Variants in PDGFA observed in about 807,000 individuals in gnomAD.
The protein encoded by PDGFA is platelet derived growth factor subunit A.
PDGFA carries 9 observed loss-of-function variants against 25.6 expected under a neutral mutation model. The observed-to-expected ratio is 0.35, with a 90% CI of 0.21 to 0.61. PDGFA has a LOEUF of 0.61. Ranked by LOEUF, PDGFA falls within the 20% of genes least tolerant of loss-of-function variation. The probability of loss-of-function intolerance (pLI) is 0.75; values close to 1 mark genes in which losing one functional copy is unlikely to be tolerated. For synonymous variants in PDGFA, 133 were observed against 111.8 expected (o/e 1.19, Z -1.20); for missense variants, 242 against 272.8 (o/e 0.89, Z 0.79).
At chr7:497,973 A>AAAAAAAAAAAAAAAAAAAAAAAAAC (rs1782161752) in exon 6 of PDGFA, 2 of 130,696 alleles carry the variant, frequency 1.5e-5, no homozygotes, top group African/African-American at 2.9e-5. Flanking sequence ...AAAAAAAAAA[A>AAAAAAAAAAAAAAAAAAAAAAAAAC]CAAAACAAAA....
chr7:517,209 G>A lies in PDGFA; in HGVS notation c.160+185C>T, dbSNP rs1282083010. 6.6e-6 allele frequency among the ~76,000 whole-genome samples: 1 copy of A among 151,318 alleles called. No homozygotes were observed. The highest frequency in any genetic ancestry group is 1.5e-5 in the Non-Finnish European group (1 of 67,790). ...GGCGAGCGAGCAGCCCTCGGCCGCC[G>A]CTGGGAGAGAAAGTGGAGACTGGAA... is the stretch of plus-strand genomic sequence containing the variant. On this transcript the variant is annotated intron_variant, in intron 2 of 5. Transcript: ENST00000402802. This position sits in a 1 kb window ranked among gnomAD's most constrained non-coding sequence, Gnocchi z 7.4.
chr7:511,884 G>A (rs148398998), intron 3 of PDGFA, among the ~76,000 whole-genome samples: 2,230 of 152,254 alleles, frequency 0.015, 26 homozygotes, highest in Middle Eastern at 0.027. Context: ...CGGGGCACAC[G>A]GGTGTGGTGA....
chr7:503,001 T>A (rs976293448), intron 4 of PDGFA, among the ~76,000 whole-genome samples: 2 of 152,046 alleles, frequency 1.3e-5, no homozygotes, highest in African/African-American at 2.4e-5. Flanking sequence ...ACGCCTGGCA[T>A]CAACAGACCC....
rs1782269570 is a variant in PDGFA, at chr7:500,309, A to G, written c.580+807T>C. The G allele has an allele frequency of 9.4e-7, 1 of 1,059,974 alleles. No individual in the cohort carries two copies. The highest frequency in any genetic ancestry group is 1.5e-5 in the South Asian group (1 of 68,778). The allele number at this position is 1,059,974 out of a possible 1,614,324, so 65.7% of individuals were successfully genotyped here. ...GACCCAAGCCCAGCAGACACCATCA[A>G]GGCCAATCAGGGCCACATCCCCGCC... On this transcript the variant is annotated intron_variant, in intron 5 of 5. Coordinates refer to ENST00000402802, the Ensembl canonical transcript of PDGFA. This position sits in a 1 kb window ranked among gnomAD's most constrained non-coding sequence, Gnocchi z 5.0.
chr7:508,502 G>A (rs1432755087), intron 4 of PDGFA, among the ~76,000 whole-genome samples: 1 of 127,806 alleles, frequency 7.8e-6, no homozygotes, highest in African/African-American at 3.0e-5. Context: ...CGAGGCTGCA[G>A]CAAACCATGA....
In PDGFA at chr7:504,396, C is replaced by T. The variant is rs1261433621; in HGVS notation, c.454-3154G>A. Among the ~76,000 whole-genome samples the T allele has an allele frequency of 2.0e-5, 3 of 152,178 alleles. No individual in the cohort carries two copies. The South Asian group carries it at 6.2e-4, about 32-fold the overall frequency. On this transcript the variant is annotated intron_variant, in intron 4 of 5. Transcript: ENST00000402802. ...CCAGCCCTGCAAGCATGTCCTCAGC[C>T]CTCCCTGAGTCAAGAACTGCCCAGG... is the stretch of plus-strand genomic sequence containing the variant.
Position 518,915 on chromosome 7 carries a change from ACGGGGCGCGGGGG to A in PDGFA, c.63+11_63+23del, listed in dbSNP as rs1783233974. 6.7e-7 allele frequency: 1 copy of A among 1,492,848 alleles called. No homozygotes were observed. The highest frequency in any genetic ancestry group is 1.4e-5 in the African/African-American group (1 of 69,668). 92.5% of individuals were successfully genotyped at this position (1,492,848 alleles called of 1,614,324 possible). ...GTGCGCCGGAGGAGCCGGCGCAGGG[ACGGGGCGCGGGGG>A]CGGCACCAACCTCGGCCAGAACATG... On this transcript the variant is annotated intron_variant, in intron 1 of 5. Coordinates refer to ENST00000402802, the Ensembl canonical transcript of PDGFA.
intron 2 of PDGFA, among the ~76,000 whole-genome samples, chr7:516,114 G>C (rs964128169): frequency 7.7e-5 from 10 of 129,424 alleles, no homozygotes; most frequent in African/African-American, 3.0e-4. Context: ...CCACAAACCA[G>C]AGCCAGATCC....
chr7:505,964 A>G (rs1178178075), intron 4 of PDGFA, among the ~76,000 whole-genome samples: 3 of 152,188 alleles, frequency 2.0e-5, no homozygotes, highest in Non-Finnish European at 4.4e-5. Context: ...ACCTGAGGTC[A>G]GGAGTTCAAG....
exon 6 of PDGFA, chr7:497,939 T>TAAAAAAAAAAAAAAAAACAAAAAA (rs1782132127): frequency 5.0e-5 from 1 of 20,138 alleles, no homozygotes; most frequent in Non-Finnish European, 8.2e-5. Context: ...CTTTATGGTG[T>TAAAAAAAAAAAAAAAAACAAAAAA]AAAAAAAAAA....
chr7:500,158 A>C lies in PDGFA; in HGVS notation c.580+958T>G, dbSNP rs1782262230. On this transcript the variant is annotated intron_variant, in intron 5 of 5. Coordinates refer to ENST00000402802, the Ensembl canonical transcript of PDGFA. The surrounding 1 kb of genome is among the most constrained non-coding windows in gnomAD (Gnocchi z 5.0). ...TCAGGTCGCCCAACCTGTTCCATTC[A>C]TGTGCAATGCTCCTGCATCCCCAAT... Among the ~76,000 whole-genome samples the C allele has an allele frequency of 6.6e-6, 1 of 152,170 alleles. No individual in the cohort carries two copies. Among genetic ancestry groups the C allele is most frequent in the South Asian group, 2.1e-4 (1 of 4,832 alleles).
At position 500,409 on chromosome 7, in the gene PDGFA, T is replaced by G. The variant is rs200413298; in HGVS notation, c.580+707A>C. On this transcript the variant is annotated intron_variant, in intron 5 of 5. Coordinates refer to ENST00000402802, the Ensembl canonical transcript of PDGFA. The surrounding 1 kb of genome is among the most constrained non-coding windows in gnomAD (Gnocchi z 5.0). ...CACCTCCCCGCCCTGCAGGACTCAG[T>G]GTGTCCGGCAGACAGTCCTACCTGG... is the stretch of plus-strand genomic sequence containing the variant. 2.7e-5 allele frequency: 43 copies of G among 1,613,206 alleles called. No individual in the cohort carries two copies. In the African/African-American group the frequency reaches 4.4e-4, roughly 17 times the overall value.
Position 502,197 on chromosome 7 carries a change from G to A in PDGFA, c.454-955C>T, listed in dbSNP as rs147204563. On this transcript the variant is annotated intron_variant, in intron 4 of 5. Transcript: ENST00000402802. ...GTATCACACCACTGCACTCCAGCCTGGGCAATACACCAAGACCCTGTCTCT... is the reference window on the plus strand; with the variant it reads ...GTATCACACCACTGCACTCCAGCCTAGGCAATACACCAAGACCCTGTCTCT... 5.2e-3 allele frequency among the ~76,000 whole-genome samples: 788 copies of A among 152,158 alleles called. 8 individuals are homozygous for A. The highest frequency in any genetic ancestry group is 0.018 in the African/African-American group (741 of 41,486).
chr7:512,240 C>A, intron 3 of PDGFA, 111 bp downstream of exon 3: 4 of 1,043,760 alleles, frequency 3.8e-6, no homozygotes, highest in Non-Finnish European at 5.5e-6. Context: ...GAGGCCACTG[C>A]GCTGGGAGAG....
chr7:509,102 A>G (rs528412356), intron 4 of PDGFA, among the ~76,000 whole-genome samples: 8 of 152,318 alleles, frequency 5.3e-5, no homozygotes, highest in Admixed American at 5.2e-4. Context: ...CATGAGCCCC[A>G]GGGCCTCAGC....
At chr7:510,741 G>A (rs1782778759) in intron 4 of PDGFA, 68 bp downstream of exon 4, 3 of 372,984 alleles carry the variant, frequency 8.0e-6, no homozygotes, top group South Asian at 2.2e-5. Flanking sequence ...GGGGAGGGGA[G>A]AGGAGAGGAG....
At chr7:508,090 C>A (rs1782639860) in intron 4 of PDGFA, among the ~76,000 whole-genome samples, 1 of 152,126 alleles carries the variant, frequency 6.6e-6, no homozygotes, top group Non-Finnish European at 1.5e-5. Context: ...AGTTATGGGT[C>A]TAAAGTGCCC....
chr7:506,898 C>T (rs894511700), intron 4 of PDGFA, among the ~76,000 whole-genome samples: 5 of 152,154 alleles, frequency 3.3e-5, no homozygotes, highest in African/African-American at 4.8e-5. Flanking sequence ...GAATGTTGAC[C>T]GGAAAGGCAT....
chr7:510,106 CG>C (rs1782733933), intron 4 of PDGFA, among the ~76,000 whole-genome samples: 1 of 152,186 alleles, frequency 6.6e-6, no homozygotes, highest in Admixed American at 6.5e-5. Context: ...CTCCAGGGCC[CG>C]GGGACGCCAG....
Sources: gnomAD v4.1 joint callset for allele counts (sites outside exome capture counted in the v4.1 genomes callset) on GRCh38, gnomAD v4.1.1 for gene constraint, Gnocchi (gnomAD v3.1) non-coding constraint, MANE v1.5 for transcripts, NCBI Gene and HGNC (gene_info 2026-07-23, HGNC 2026-07-21) for gene names.